The following GLYATL1B variants were observed in gnomAD, a reference collection of about 807,000 sequenced individuals.
GLYATL1B encodes the protein putative glycine N-acyltransferase-like protein 1B.
A neutral mutation model predicts 5.5 loss-of-function variants in GLYATL1B; 6 were observed. That is an observed-to-expected ratio of 1.09 (90% confidence interval 0.60 to 2.15). GLYATL1B has a LOEUF of 2.15. GLYATL1B is among the 30% of genes most tolerant of loss of function. The pLI, the probability that GLYATL1B is intolerant of heterozygous loss-of-function variation, is 0.00. For synonymous variants in GLYATL1B, 67 were observed against 34.9 expected (o/e 1.92, Z -3.24); for missense variants, 135 against 94.1 (o/e 1.43, Z -1.80).
chr11:59,091,567 C>G (rs1859310917), intron 2 of GLYATL1B, among the ~76,000 whole-genome samples: 1 of 152,112 alleles, frequency 6.6e-6, no homozygotes, highest in Non-Finnish European at 1.5e-5. Flanking sequence ...ATGCTTAGCT[C>G]CCAGTTATGA....
chr11:59,088,629 A>G (rs151058982), intron 2 of GLYATL1B, among the ~76,000 whole-genome samples: 283 of 152,338 alleles, frequency 1.9e-3, no homozygotes, highest in Admixed American at 3.1e-3. Context: ...TGTAGTCACT[A>G]TGTGTATTTT....
At chr11:59,089,085 T>C (rs777140425) in intron 2 of GLYATL1B, among the ~76,000 whole-genome samples, 6 of 152,198 alleles carry the variant, frequency 3.9e-5, no homozygotes, top group Non-Finnish European at 7.4e-5. Flanking sequence ...TCCTTGGCCA[T>C]ATTAACACAC....
intron 2 of GLYATL1B, among the ~76,000 whole-genome samples, chr11:59,092,221 ATC>A (rs937367657): frequency 7.0e-6 from 1 of 142,670 alleles, no homozygotes; most frequent in African/African-American, 2.6e-5. Context: ...CCAGAAGTTT[ATC>A]TCTCTCTCTC....
At chr11:59,092,233 CTT>C (rs1859330289) in intron 2 of GLYATL1B, among the ~76,000 whole-genome samples, 1 of 150,604 alleles carries the variant, frequency 6.6e-6, no homozygotes, top group African/African-American at 2.4e-5. Context: ...CTCTCTCTCT[CTT>C]CTGCTCTTTC....
chr11:59,088,180 C>G (rs181322477), intron 2 of GLYATL1B, among the ~76,000 whole-genome samples: 1 of 152,272 alleles, frequency 6.6e-6, no homozygotes, highest in Non-Finnish European at 1.5e-5. Flanking sequence ...CAGAGGATTA[C>G]ACAAGGTTTA....
At chr11:59,086,453 G>T (rs1432122562) in intron 1 of GLYATL1B, 69 bp downstream of exon 1, 3 of 397,312 alleles carry the variant, frequency 7.6e-6, no homozygotes, top group Non-Finnish European at 1.3e-5. Flanking sequence ...ACAGGCTCAT[G>T]AATCTCGTCC....
intron 2 of GLYATL1B, among the ~76,000 whole-genome samples, chr11:59,087,489 C>G (rs12574219): frequency 0.26 from 39,239 of 151,754 alleles, 5,785 homozygotes; most frequent in South Asian, 0.39. Context: ...GGAAAGTTGG[C>G]TGTCTGAGAT....
In GLYATL1B at chr11:59,092,251, G is replaced by C. The variant is rs80112742; in HGVS notation, c.187-1278G>C. Among the ~76,000 whole-genome samples, 3,713 of 137,048 alleles carry C rather than the reference G, an allele frequency of 0.027. 249 individuals carry two copies. The East Asian group carries it at 0.28, about 10-fold the overall frequency. The allele number at this position is 137,048 out of a possible 152,430, so 89.9% of individuals were successfully genotyped here. On this transcript the variant is annotated intron_variant, in intron 2 of 4. Coordinates refer to ENST00000527482, the MANE Select transcript of GLYATL1B (RefSeq NM_001355566.1). Reference sequence around the variant, plus strand: ...TCTCTCTCTTCTGCTCTTTCTTTTTGCCATTTAAAAATGAACTTTTGGCTT... The same window carrying C: ...TCTCTCTCTTCTGCTCTTTCTTTTTCCCATTTAAAAATGAACTTTTGGCTT...
intron 2 of GLYATL1B, among the ~76,000 whole-genome samples, chr11:59,089,987 T>C (rs988078427): frequency 4.6e-5 from 7 of 152,072 alleles, no homozygotes; most frequent in African/African-American, 1.7e-4. Context: ...CTTCATTCTA[T>C]TTGGAATATA....
At position 59,093,531 on chromosome 11, in the gene GLYATL1B, G is replaced by T. The variant is rs972209117; in HGVS notation, c.189G>T (p.Glu63Asp). ...QMVIIRPQKQ[E>D]MTDDMDSYTN... is the part of the protein sequence containing the mutation. ...TGACCTTTCACCATCCTACACAGGA[G>T]ATGACTGATGACATGGATTCATACA... The change falls in exon 3 of 5, where the codon GAG becomes GAT. Residue 63 changes from glutamate to aspartate, a missense_variant and splice_region_variant. By Grantham distance (45) the Glu-to-Asp change is conservative (BLOSUM62 2). Transcript: ENST00000527482. The T allele has an allele frequency of 2.1e-6, 1 of 478,306 alleles. No individual in the cohort carries two copies. The allele number at this position is 478,306 out of a possible 1,614,324, so 29.6% of individuals were successfully genotyped here. A position where few individuals can be genotyped will look rare whatever the true frequency, so the allele number is the denominator to read the frequency against.
At chr11:59,092,011 T>C (rs1360605187) in intron 2 of GLYATL1B, among the ~76,000 whole-genome samples, 3 of 152,250 alleles carry the variant, frequency 2.0e-5, no homozygotes, top group Non-Finnish European at 4.4e-5. Context: ...TGAAGTTTTC[T>C]ATTTTTTGAA....
chr11:59,089,915 G>A (rs2848441), intron 2 of GLYATL1B, among the ~76,000 whole-genome samples: 8 of 151,850 alleles, frequency 5.3e-5, no homozygotes, highest in Non-Finnish European at 1.0e-4. Context: ...AACCAAGATC[G>A]TACAAGTTGT....
rs114386161 is a variant in GLYATL1B, at chr11:59,090,348, G to A, written c.186+3177G>A. Among the ~76,000 whole-genome samples the A allele has an allele frequency of 4.9e-3, 738 of 152,006 alleles. 8 individuals are homozygous for A. Among genetic ancestry groups the A allele is most frequent in the African/African-American group, 0.017 (697 of 41,538 alleles). On this transcript the variant is annotated intron_variant, in intron 2 of 4. Transcript: ENST00000527482. ...TATTGCAATTGTGATTTGTATTGGA[G>A]GAGCTTTTTTAGACAATTGTGGAAG... is the stretch of plus-strand genomic sequence containing the variant.
intron 2 of GLYATL1B, among the ~76,000 whole-genome samples, chr11:59,088,031 G>A (rs1362417595): frequency 6.6e-6 from 1 of 152,176 alleles, no homozygotes; most frequent in Non-Finnish European, 1.5e-5. Flanking sequence ...TCAGGTAGCT[G>A]CTGGATACCA....
Position 59,094,357 on chromosome 11 carries a change from TG to T in GLYATL1B, c.492-11del. 2 of 505,928 alleles carry T rather than the reference TG, an allele frequency of 4.0e-6. No homozygotes were observed. The highest frequency in any genetic ancestry group is 7.2e-6 in the Non-Finnish European group (2 of 279,516). The allele number at this position is 505,928 out of a possible 1,614,324, so 31.3% of individuals were successfully genotyped here. A position where few individuals can be genotyped will look rare whatever the true frequency, so the allele number is the denominator to read the frequency against. Reference sequence around the variant, plus strand: ...GGATGAAAGTTGTTGTCTTTCTTTTTGTTTTCTACAGCGAGACTCCGAACTT... The same window carrying T: ...GGATGAAAGTTGTTGTCTTTCTTTTTTTTTCTACAGCGAGACTCCGAACTT... On this transcript the variant is annotated splice_polypyrimidine_tract_variant and intron_variant, in intron 4 of 4. Coordinates refer to ENST00000527482, the MANE Select transcript of GLYATL1B (RefSeq NM_001355566.1).
chr11:59,093,444 A>G (rs1054576139), intron 2 of GLYATL1B, 85 bp from the exon 3 acceptor site: 29 of 446,932 alleles, frequency 6.5e-5, no homozygotes, highest in African/African-American at 5.7e-4. Context: ...TTTCTTTTGA[A>G]TTTTCATTTT....
In GLYATL1B at chr11:59,087,478, G is replaced by A. The variant is rs574684217; in HGVS notation, c.186+307G>A. On this transcript the variant is annotated intron_variant, in intron 2 of 4. Coordinates refer to ENST00000527482, the MANE Select transcript of GLYATL1B (RefSeq NM_001355566.1). ...GGGGCTGAATGGAGGCCAATTTACA[G>A]GGAAAGTTGGCTGTCTGAGATATTG... is the stretch of plus-strand genomic sequence containing the variant. Among the ~76,000 whole-genome samples, 5 of 151,078 alleles carry A rather than the reference G, an allele frequency of 3.3e-5. No individual in the cohort carries two copies. In the East Asian group the frequency reaches 1.1e-3, roughly 32 times the overall value.
At chr11:59,091,689 G>A (rs540640351) in intron 2 of GLYATL1B, among the ~76,000 whole-genome samples, 3 of 152,120 alleles carry the variant, frequency 2.0e-5, no homozygotes, top group East Asian at 3.8e-4. Context: ...GTTGCCATTC[G>A]ACCCAGCAAT....
intron 2 of GLYATL1B, among the ~76,000 whole-genome samples, chr11:59,088,768 CA>C (rs1308016976): frequency 1.3e-5 from 2 of 151,696 alleles, no homozygotes; most frequent in African/African-American, 4.8e-5. Context: ...CATATATGAC[CA>C]AAAAAATGGA....
Sources: gnomAD v4.1 joint callset for allele counts (sites outside exome capture counted in the v4.1 genomes callset) on GRCh38, gnomAD v4.1.1 for gene constraint, MANE v1.5 for transcripts, NCBI Gene and HGNC (gene_info 2026-07-23, HGNC 2026-07-21) for gene names.